NVL: variants seen among roughly 807,000 people sequenced by gnomAD.
The protein encoded by NVL is nuclear valosin-containing protein-like.
Under a neutral mutation model 110.2 loss-of-function variants are expected in NVL, and 84 were observed. The ratio of observed to expected loss-of-function variants is 0.76; its 90% CI spans 0.64 to 0.91. The LOEUF (loss-of-function observed/expected upper bound fraction) is 0.91. Ranked by LOEUF, NVL falls within the 40% of genes least tolerant of loss-of-function variation. The probability of loss-of-function intolerance (pLI) is 0.00; values close to 1 mark genes in which losing one functional copy is unlikely to be tolerated. For missense variants in NVL, 882 were observed against 1,035.9 expected (o/e 0.85, Z 2.04); for synonymous variants, 354 against 361.1 (o/e 0.98, Z 0.22).
At chr1:224,320,659 A>G (rs1471915870) in intron 2 of NVL, among the ~76,000 whole-genome samples, 2 of 151,936 alleles carry the variant, frequency 1.3e-5, no homozygotes, top group Non-Finnish European at 2.9e-5. Flanking sequence ...AAAAAAAAAA[A>G]ACTTTATGTT....
At chr1:224,258,642 GC>G (rs1340953848) in intron 18 of NVL, among the ~76,000 whole-genome samples, 1 of 152,036 alleles carries the variant, frequency 6.6e-6, no homozygotes, top group East Asian at 1.9e-4. Context: ...AACAGAAACA[GC>G]CCAGATGTCC....
chr1:224,250,340 A>C, intron 18 of NVL, 22 bp from the exon 19 acceptor site: 1 of 1,526,264 alleles, frequency 6.6e-7, no homozygotes, highest in Non-Finnish European at 8.8e-7. Context: ...GGGAGAAAAA[A>C]AGTCTTAAAT....
chr1:224,295,960 CAAAAAAA>C (rs942085228), intron 11 of NVL, among the ~76,000 whole-genome samples: 3 of 41,842 alleles, frequency 7.2e-5, no homozygotes, highest in South Asian at 7.7e-4. Context: ...GACTCTGTCT[CAAAAAAA>C]AAAAAAAAAA....
chr1:224,258,189 T>C (rs1378161799), intron 18 of NVL, among the ~76,000 whole-genome samples: 2 of 152,118 alleles, frequency 1.3e-5, no homozygotes, highest in African/African-American at 4.8e-5. Context: ...CAAAGAACTC[T>C]TACTACTCAA....
At chr1:224,281,294 T>A in intron 15 of NVL, 109 bp from the exon 16 acceptor site, 2 of 762,972 alleles carry the variant, frequency 2.6e-6, no homozygotes, top group Non-Finnish European at 4.5e-6. Flanking sequence ...CGTGTGTGTG[T>A]GTGTGTGTGT....
At chr1:224,273,043 C>CG (rs1665321893) in intron 17 of NVL, among the ~76,000 whole-genome samples, 1 of 119,718 alleles carries the variant, frequency 8.4e-6, no homozygotes, top group Non-Finnish European at 1.7e-5. Context: ...CAAAAAAAAA[C>CG]AAAAAAAACA....
At chr1:224,299,642 T>C (rs1668205798) in intron 10 of NVL, among the ~76,000 whole-genome samples, 1 of 152,244 alleles carries the variant, frequency 6.6e-6, no homozygotes, top group African/African-American at 2.4e-5. Flanking sequence ...TCTCTGGCTA[T>C]GCGTGCCAAT....
chr1:224,233,769 C>CA (rs1297137302), intron 20 of NVL, among the ~76,000 whole-genome samples: 1 of 150,878 alleles, frequency 6.6e-6, no homozygotes, highest in Admixed American at 6.6e-5. Context: ...AATTAAAAAA[C>CA]AAAAACAAAA....
intron 12 of NVL, among the ~76,000 whole-genome samples, chr1:224,290,921 A>G: frequency 6.6e-6 from 1 of 152,022 alleles, no homozygotes. Context: ...GTGAGCCAAG[A>G]TTGTGTCACT....
intron 18 of NVL, among the ~76,000 whole-genome samples, chr1:224,263,540 A>C (rs4654012): frequency 0.99 from 151,033 of 152,320 alleles, 74,893 homozygotes; most frequent in East Asian, 1. Flanking sequence ...GTGGCAAAAC[A>C]TTTTACCCAG....
chr1:224,279,545 G>A (rs1028110768), intron 16 of NVL, among the ~76,000 whole-genome samples: 17 of 152,096 alleles, frequency 1.1e-4, no homozygotes, highest in Admixed American at 9.2e-4. Flanking sequence ...AGTTTATAAG[G>A]AGAGTTCCAA....
At chr1:224,241,034 CCACCT>C in intron 19 of NVL, among the ~76,000 whole-genome samples, 1 of 152,058 alleles carries the variant, frequency 6.6e-6, no homozygotes, top group African/African-American at 2.4e-5. Context: ...GGTGATCCAC[CCACCT>C]TGGCCTCCCA....
chr1:224,289,605 G>GCA lies in NVL; in HGVS notation c.1452_1453dup (p.Ala485ValfsTer7). On this transcript the variant is annotated frameshift_variant, in exon 13 of 23. Coordinates refer to ENST00000281701, the MANE Select transcript of NVL (RefSeq NM_002533.4). LOFTEE classifies it high-confidence loss of function. ...TAGCTTCATTAAGACTCTATTGACT[G>GCA]CACACATTGCTGCCTCTCGGCACAG... is the stretch of plus-strand genomic sequence containing the variant. 6.2e-7 allele frequency: 1 copy of GCA among 1,614,196 alleles called. No individual in the cohort carries two copies. The highest frequency in any genetic ancestry group is 8.5e-7 in the Non-Finnish European group (1 of 1,180,048).
Position 224,317,501 on chromosome 1 carries a change from C to T in NVL, c.284+193G>A, listed in dbSNP as rs530165428. 9.2e-5 allele frequency among the ~76,000 whole-genome samples: 14 copies of T among 152,226 alleles called. No individual in the cohort carries two copies. The East Asian group carries it at 2.7e-3, about 29-fold the overall frequency. Reference sequence around the variant, plus strand: ...AAATGACACTCTAACTCAATAAAACCACCCATACAAAGGCACAGCCAAAGA... The same window carrying T: ...AAATGACACTCTAACTCAATAAAACTACCCATACAAAGGCACAGCCAAAGA... On this transcript the variant is annotated intron_variant, in intron 4 of 22. Coordinates refer to ENST00000281701, the MANE Select transcript of NVL (RefSeq NM_002533.4).
intron 16 of NVL, among the ~76,000 whole-genome samples, chr1:224,275,722 CG>C (rs1558291619): frequency 1.3e-5 from 2 of 152,118 alleles, no homozygotes; most frequent in African/African-American, 2.4e-5. Context: ...TTAAGTGAAA[CG>C]TAAGTTCTTC....
chr1:224,275,955 C>T (rs1665716787), intron 16 of NVL, among the ~76,000 whole-genome samples: 1 of 152,122 alleles, frequency 6.6e-6, no homozygotes. Context: ...AGTGAGCCAA[C>T]TAGGCACTTA....
chr1:224,323,399 A>C (rs1558367369), intron 2 of NVL, among the ~76,000 whole-genome samples: 1 of 152,232 alleles, frequency 6.6e-6, no homozygotes, highest in Non-Finnish European at 1.5e-5. Flanking sequence ...AAAAAGCATA[A>C]TCTAAAGAGA....
At chr1:224,294,460 G>T in intron 11 of NVL, 49 bp from the exon 12 acceptor site, 1 of 1,568,748 alleles carries the variant, frequency 6.4e-7, no homozygotes, top group South Asian at 1.1e-5. Flanking sequence ...TGACACTGAC[G>T]GCAATAATGG....
At chr1:224,278,664 A>G (rs1463718543) in intron 16 of NVL, among the ~76,000 whole-genome samples, 1 of 152,220 alleles carries the variant, frequency 6.6e-6, no homozygotes, top group Non-Finnish European at 1.5e-5. Flanking sequence ...TGAAAATATC[A>G]GACACCAACA....
Sources: allele counts gnomAD v4.1 joint callset (sites outside exome capture counted in the v4.1 genomes callset), GRCh38; gene constraint gnomAD v4.1.1; transcripts MANE v1.5; gene names NCBI Gene and HGNC (gene_info 2026-07-23, HGNC 2026-07-21).